Variants in VRK2 observed in about 807,000 individuals in gnomAD.
The protein encoded by VRK2 is serine/threonine-protein kinase VRK2.
VRK2 carries 60 observed loss-of-function variants against 57.6 expected under a neutral mutation model. That is an observed-to-expected ratio of 1.04 (90% confidence interval 0.85 to 1.29). The LOEUF is 1.29. Ranked by LOEUF, VRK2 falls within the 50% of genes most tolerant of loss-of-function variation. The probability of loss-of-function intolerance (pLI) is 0.00; values close to 1 mark genes in which losing one functional copy is unlikely to be tolerated. For synonymous variants in VRK2, 231 were observed against 199.2 expected, an observed-to-expected ratio of 1.16 and a Z score of -1.35; for missense variants, 705 against 588.1, an observed-to-expected ratio of 1.20 and a Z score of -2.06.
intron 1 of VRK2, among the ~76,000 whole-genome samples, chr2:57,929,623 G>C (rs150782881): frequency 1.1e-3 from 160 of 152,200 alleles, no homozygotes; most frequent in African/African-American, 3.6e-3. Flanking sequence ...TTCCCAAACA[G>C]AAGGAGTCTC....
In VRK2 at chr2:58,076,901, A is replaced by ATATTC. The variant is rs533840274; in HGVS notation, c.137-7186_137-7182dup. 5.2e-3 allele frequency among the ~76,000 whole-genome samples: 792 copies of ATATTC among 152,110 alleles called. 12 individuals are homozygous for ATATTC. The highest frequency in any genetic ancestry group is 0.018 in the African/African-American group (755 of 41,552). The stretch of plus-strand genomic sequence containing the variant: ...GAGCTTGCAAAAAAAGAATGTTTCC[A>ATATTC]TATTCTCTACTCGACTGCCCTAAAT... On this transcript the variant is annotated intron_variant, in intron 2 of 12. Coordinates refer to ENST00000340157, the MANE Select transcript of VRK2 (RefSeq NM_006296.7).
chr2:57,994,452 C>T (rs993412587), intron 1 of VRK2, among the ~76,000 whole-genome samples: 62 of 152,160 alleles, frequency 4.1e-4, no homozygotes, highest in African/African-American at 1.4e-3. Flanking sequence ...CTACTGTCTA[C>T]ACAGTTCAAA....
intron 2 of VRK2, among the ~76,000 whole-genome samples, chr2:58,031,616 A>G (rs2103697354): frequency 6.6e-6 from 1 of 152,222 alleles, no homozygotes; most frequent in South Asian, 2.1e-4. Context: ...AATTTCCCTA[A>G]TTAATTTACA....
intron 10 of VRK2, among the ~76,000 whole-genome samples, chr2:58,138,546 G>GTTA (rs1411690876): frequency 2.0e-5 from 3 of 152,160 alleles, no homozygotes; most frequent in African/African-American, 7.2e-5. Context: ...GGGGGAAAGC[G>GTTA]ATGATGACTA....
At chr2:57,990,499 G>A (rs75465463) in intron 1 of VRK2, among the ~76,000 whole-genome samples, 2,422 of 152,182 alleles carry the variant, frequency 0.016, 65 homozygotes, top group African/African-American at 0.055. Flanking sequence ...ATACATTAAC[G>A]TTTGCCTTTC....
intron 1 of VRK2, among the ~76,000 whole-genome samples, chr2:58,003,064 C>T (rs556720415): frequency 1.3e-4 from 20 of 152,254 alleles, no homozygotes; most frequent in African/African-American, 4.3e-4. Flanking sequence ...CAAATTCAAA[C>T]AGGTATATTC....
intron 1 of VRK2, among the ~76,000 whole-genome samples, chr2:57,923,677 G>C (rs565444130): frequency 3.4e-4 from 51 of 151,718 alleles, no homozygotes; most frequent in Admixed American, 5.3e-4. Flanking sequence ...CCATTCTGTG[G>C]GTTGTCTCTT....
At chr2:58,123,871 G>A (rs528492620) in intron 8 of VRK2, among the ~76,000 whole-genome samples, 107 of 151,628 alleles carry the variant, frequency 7.1e-4, no homozygotes, top group African/African-American at 2.5e-3. Context: ...AAAAAAAGTT[G>A]CACATACGAA....
chr2:58,082,303 T>C (rs767089352), intron 2 of VRK2, among the ~76,000 whole-genome samples: 2 of 151,882 alleles, frequency 1.3e-5, no homozygotes, highest in African/African-American at 2.4e-5. Context: ...CATAATCTGT[T>C]ATTTATCTTT....
intron 7 of VRK2, among the ~76,000 whole-genome samples, chr2:58,112,331 G>A (rs1675691107): frequency 6.6e-6 from 1 of 152,146 alleles, no homozygotes; most frequent in Non-Finnish European, 1.5e-5. Context: ...GTGATTATTA[G>A]ATAATAGAAC....
At chr2:58,044,339 T>A (rs79876634), upstream of VRK2, among the ~76,000 whole-genome samples, 1,993 of 152,264 alleles carry the variant, frequency 0.013, 25 homozygotes, top group Non-Finnish European at 0.02. Context: ...AGCACATGCT[T>A]ATTTTGTACT....
intron 2 of VRK2, among the ~76,000 whole-genome samples, chr2:58,062,462 A>G (rs754748850): frequency 5.9e-5 from 9 of 152,092 alleles, no homozygotes; most frequent in Non-Finnish European, 1.2e-4. Flanking sequence ...TGAGGAAGGC[A>G]TGTCGAAAGC....
At chr2:57,993,305 T>A (rs987507137) in intron 1 of VRK2, among the ~76,000 whole-genome samples, 5 of 152,108 alleles carry the variant, frequency 3.3e-5, no homozygotes, top group Non-Finnish European at 5.9e-5. Context: ...ATCATAAAAG[T>A]AAAAGGAAGA....
intron 1 of VRK2, among the ~76,000 whole-genome samples, chr2:57,938,137 T>C (rs536676353): frequency 6.6e-6 from 1 of 152,308 alleles, no homozygotes; most frequent in East Asian, 1.9e-4. Flanking sequence ...GCCTTATTGT[T>C]TATCTTTCAT....
chr2:57,991,715 C>T (rs1186236192), intron 1 of VRK2, among the ~76,000 whole-genome samples: 2 of 150,684 alleles, frequency 1.3e-5, no homozygotes, highest in Non-Finnish European at 2.9e-5. Flanking sequence ...TTTGGGAGGC[C>T]GAGGCAGGCG....
chr2:57,983,516 C>G (rs1327935715), intron 1 of VRK2, among the ~76,000 whole-genome samples: 2 of 152,086 alleles, frequency 1.3e-5, no homozygotes, highest in Non-Finnish European at 2.9e-5. Context: ...ACAACCCTGC[C>G]AAACTGCCAT....
intron 1 of VRK2, among the ~76,000 whole-genome samples, chr2:57,933,071 G>T (rs1273938429): frequency 6.6e-6 from 1 of 151,860 alleles, no homozygotes; most frequent in Non-Finnish European, 1.5e-5. Flanking sequence ...AACTTTATAT[G>T]ACTTATTTTG....
chr2:58,011,554 T>C (rs1238126397), intron 1 of VRK2, among the ~76,000 whole-genome samples: 1 of 152,208 alleles, frequency 6.6e-6, no homozygotes, highest in African/African-American at 2.4e-5. Flanking sequence ...ACAAGTTGTG[T>C]CTGGTGTGCT....
intron 2 of VRK2, among the ~76,000 whole-genome samples, chr2:58,028,035 G>A (rs1370455590): frequency 6.6e-6 from 1 of 152,180 alleles, no homozygotes; most frequent in African/African-American, 2.4e-5. Flanking sequence ...TAGTAAGAAA[G>A]ACAGTGACAA....
Sources: allele counts gnomAD v4.1 joint callset (sites outside exome capture counted in the v4.1 genomes callset), GRCh38; gene constraint gnomAD v4.1.1; transcripts MANE v1.5; gene names NCBI Gene and HGNC (gene_info 2026-07-23, HGNC 2026-07-21).